Variants in FSTL4 observed in about 807,000 individuals in gnomAD.
FSTL4 encodes the protein follistatin-related protein 4.
FSTL4 carries 28 observed loss-of-function variants against 78.2 expected under a neutral mutation model. That is an observed-to-expected ratio of 0.36 (90% CI 0.27 to 0.49). The LOEUF is 0.49. FSTL4 is among the 20% of genes least tolerant of loss of function. The pLI is 0.98. For synonymous variants in FSTL4, 422 were observed against 440.5 expected (o/e 0.96, Z 0.53); for missense variants, 922 against 1,084.9 (o/e 0.85, Z 2.11).
At chr5:133,702,698 CCTT>C in the FSTL4 span, among the ~76,000 whole-genome samples, 1 of 152,176 alleles carries the variant, frequency 6.6e-6, no homozygotes, top group Admixed American at 6.5e-5. Flanking sequence ...ATTCTAGAAT[CCTT>C]CTTCTAGAAG....
intron 2 of FSTL4, among the ~76,000 whole-genome samples, chr5:133,602,968 C>G (rs559715783): frequency 6.6e-6 from 1 of 152,020 alleles, no homozygotes; most frequent in East Asian, 1.9e-4. Flanking sequence ...TTTCTCATTC[C>G]GCAGGACAGG....
intron 2 of FSTL4, among the ~76,000 whole-genome samples, chr5:133,580,782 C>A (rs1265464764): frequency 1.3e-5 from 2 of 152,200 alleles, no homozygotes; most frequent in Non-Finnish European, 2.9e-5. Context: ...GTGGCACCAG[C>A]AGTAAGAACT....
At chr5:133,818,753 C>T in the FSTL4 span, among the ~76,000 whole-genome samples, 1 of 151,122 alleles carries the variant, frequency 6.6e-6, no homozygotes, top group African/African-American at 2.4e-5. Context: ...TGCACCCCTA[C>T]ACCTTCCCCT....
intron 6 of FSTL4, among the ~76,000 whole-genome samples, chr5:133,280,979 T>C (rs1752994880): frequency 6.6e-6 from 1 of 152,136 alleles, no homozygotes; most frequent in African/African-American, 2.4e-5. Flanking sequence ...AACTGTAAGT[T>C]CTCCAAGGGC....
chr5:133,277,783 T>A (rs986416606), intron 6 of FSTL4, among the ~76,000 whole-genome samples: 2 of 152,094 alleles, frequency 1.3e-5, no homozygotes, highest in Non-Finnish European at 2.9e-5. Context: ...CCCACCGGCA[T>A]GATGTAGGAG....
At chr5:133,637,536 A>C in the FSTL4 span, among the ~76,000 whole-genome samples, 1 of 152,090 alleles carries the variant, frequency 6.6e-6, no homozygotes, top group Non-Finnish European at 1.5e-5. Context: ...CTGTTCACTC[A>C]CTTGTCTTAG....
At chr5:133,227,964 T>C (rs1404859195) in intron 8 of FSTL4, among the ~76,000 whole-genome samples, 2 of 152,230 alleles carry the variant, frequency 1.3e-5, no homozygotes, top group Non-Finnish European at 2.9e-5. Context: ...CGGTGGCTCA[T>C]GCCTATTATC....
chr5:133,703,023 C>T, the FSTL4 span, among the ~76,000 whole-genome samples: 17 of 152,194 alleles, frequency 1.1e-4, no homozygotes, highest in Non-Finnish European at 2.4e-4. Flanking sequence ...GCCCTGTGGG[C>T]AGGAGAGCCG....
intron 4 of FSTL4, among the ~76,000 whole-genome samples, chr5:133,369,281 A>G (rs1755240304): frequency 6.6e-6 from 1 of 152,206 alleles, no homozygotes; most frequent in Non-Finnish European, 1.5e-5. Context: ...AGCCAATTAC[A>G]CAAGTTGTTA....
At chr5:133,261,294 T>C (rs1210303269) in intron 6 of FSTL4, among the ~76,000 whole-genome samples, 3 of 152,172 alleles carry the variant, frequency 2.0e-5, no homozygotes, top group Non-Finnish European at 4.4e-5. Context: ...TCGGGGTTAC[T>C]GGGAAGCCTA....
At chr5:133,301,843 T>C (rs1167918641) in intron 6 of FSTL4, among the ~76,000 whole-genome samples, 1 of 152,000 alleles carries the variant, frequency 6.6e-6, no homozygotes, top group Non-Finnish European at 1.5e-5. Flanking sequence ...GGAATTCTAG[T>C]GGAAGCCCAA....
chr5:133,477,536 G>C (rs1451665458), intron 3 of FSTL4, among the ~76,000 whole-genome samples: 1 of 152,218 alleles, frequency 6.6e-6, no homozygotes, highest in Non-Finnish European at 1.5e-5. Context: ...ACTGAGGCTG[G>C]AGAGCACATG....
chr5:133,780,373 G>C, the FSTL4 span, among the ~76,000 whole-genome samples: 10 of 151,970 alleles, frequency 6.6e-5, no homozygotes, highest in African/African-American at 2.4e-4. Flanking sequence ...ATTGTCACTG[G>C]CTCCATCTCT....
chr5:133,214,042 T>C (rs1001591160), intron 13 of FSTL4, among the ~76,000 whole-genome samples: 1 of 152,216 alleles, frequency 6.6e-6, no homozygotes, highest in African/African-American at 2.4e-5. Flanking sequence ...GAAAATGATA[T>C]AATTTTAAAG....
the FSTL4 span, among the ~76,000 whole-genome samples, chr5:133,803,625 G>A: frequency 2.0e-5 from 3 of 152,240 alleles, no homozygotes; most frequent in Non-Finnish European, 2.9e-5. Context: ...GGGGGCAGAA[G>A]CATGGTCTTT....
intron 3 of FSTL4, among the ~76,000 whole-genome samples, chr5:133,547,647 C>CTACAGGCCCACTTAGAATTAGAAGT (rs1759609567): frequency 6.6e-6 from 1 of 152,136 alleles, no homozygotes; most frequent in Admixed American, 6.5e-5. Context: ...GGATTAATTA[C>CTACAGGCCCACTTAGAATTAGAAGT]CACAAAAGCG....
At chr5:133,413,346 A>AT (rs1006053690) in intron 3 of FSTL4, among the ~76,000 whole-genome samples, 1 of 151,562 alleles carries the variant, frequency 6.6e-6, no homozygotes, top group Non-Finnish European at 1.5e-5. Flanking sequence ...ATGTTCGTGT[A>AT]TTTTTTTTCT....
the FSTL4 span, among the ~76,000 whole-genome samples, chr5:133,713,412 C>T: frequency 0.019 from 2,895 of 152,300 alleles, 90 homozygotes; most frequent in African/African-American, 0.066. Context: ...GCCAGGCTAC[C>T]CCTTGCTGCA....
intron 3 of FSTL4, among the ~76,000 whole-genome samples, chr5:133,559,854 C>A (rs373238971): frequency 6.6e-6 from 1 of 152,178 alleles, no homozygotes; most frequent in African/African-American, 2.4e-5. Flanking sequence ...AGTGAGCATT[C>A]CCAGGGACTG....
Sources: allele counts gnomAD v4.1 joint callset (sites outside exome capture counted in the v4.1 genomes callset), GRCh38; gene constraint gnomAD v4.1.1; transcripts MANE v1.5; gene names NCBI Gene and HGNC (gene_info 2026-07-23, HGNC 2026-07-21).